JAZF1: variants seen among roughly 807,000 people sequenced by gnomAD.
The protein encoded by JAZF1 is juxtaposed with another zinc finger protein 1.
In JAZF1, 8 loss-of-function variants were observed where a neutral mutation model predicts 26.4. That is an observed-to-expected ratio of 0.30 (90% CI 0.18 to 0.55). The LOEUF (loss-of-function observed/expected upper bound fraction) is 0.55. Among genes scored for constraint, JAZF1 ranks in the 20% least tolerant of loss-of-function variants. The pLI, the probability that JAZF1 is intolerant of heterozygous loss-of-function variation, is 0.94. For synonymous variants in JAZF1, 126 were observed against 122.3 expected (o/e 1.03, Z -0.20); for missense variants, 199 against 322.0 (o/e 0.62, Z 2.92).
rs187541628 is a variant in JAZF1, at chr7:27,889,906, C to G, written c.385+5314G>C. Among the ~76,000 whole-genome samples the G allele has an allele frequency of 7.6e-3, 1,134 of 149,184 alleles. 5 individuals are homozygous for G. The highest frequency in any genetic ancestry group is 0.034 in the Middle Eastern group (10 of 292). On this transcript the variant is annotated intron_variant, in intron 3 of 4. Transcript: ENST00000283928. ...TGAGATCACACCACTGCACTCCAGC[C>G]TGAGTGATAGAGTGAGACTTTCTCT...
At chr7:27,856,484 T>G (rs1473987104) in intron 3 of JAZF1, among the ~76,000 whole-genome samples, 1 of 152,218 alleles carries the variant, frequency 6.6e-6, no homozygotes, top group Non-Finnish European at 1.5e-5. Context: ...TCAGGCAGCC[T>G]GCTTTTATTC....
intron 2 of JAZF1, among the ~76,000 whole-genome samples, chr7:27,929,260 A>AG (rs112733578): frequency 1 from 152,362 of 152,362 alleles, 76,181 homozygotes; most frequent in Non-Finnish European, 1. Context: ...GTGGGCAGGC[A>AG]GCATTGCCCC....
rs374806306 is a variant in JAZF1 at position 28,110,595 on chromosome 7, A to G, written c.115+69868T>C. On this transcript the variant is annotated intron_variant, in intron 1 of 4. Transcript: ENST00000283928. ...AGGGAAAGGGAAAAGGAAAAGGAAAAGGAAAAGGAAAAGGAAAGGAAAAGG... is the reference window on the plus strand; with the variant it reads ...AGGGAAAGGGAAAAGGAAAAGGAAAGGGAAAAGGAAAAGGAAAGGAAAAGG... 2.9e-3 allele frequency among the ~76,000 whole-genome samples: 197 copies of G among 67,990 alleles called. 10 individuals carry two copies. The highest frequency in any genetic ancestry group is 8.3e-3 in the Middle Eastern group (1 of 120). The allele number at this position is 67,990 out of a possible 152,430, so 44.6% of individuals were successfully genotyped here. A position where few individuals can be genotyped will look rare whatever the true frequency, so the allele number is the denominator to read the frequency against.
chr7:28,074,451 T>C (rs986715584), intron 1 of JAZF1, among the ~76,000 whole-genome samples: 1 of 152,124 alleles, frequency 6.6e-6, no homozygotes, highest in African/African-American at 2.4e-5. Context: ...AAACAAAACA[T>C]TGTGGAGAGC....
intron 2 of JAZF1, among the ~76,000 whole-genome samples, chr7:27,950,504 C>T (rs1428526052): frequency 1.3e-5 from 2 of 152,206 alleles, no homozygotes; most frequent in Non-Finnish European, 2.9e-5. Flanking sequence ...CACACCCACA[C>T]CCACGGGACC....
At position 28,110,739 on chromosome 7, in the gene JAZF1, T is replaced by A. The variant is rs1371170300; in HGVS notation, c.115+69724A>T. ...ATGTTAGAGTTCAGTTACCAAGGTG[T>A]GAATGGGACGGTGCTTTCTGCCTCA... On this transcript the variant is annotated intron_variant, in intron 1 of 4. Transcript: ENST00000283928. Among the ~76,000 whole-genome samples, 3 of 152,062 alleles carry A rather than the reference T, an allele frequency of 2.0e-5. No individual in the cohort carries two copies. The East Asian group carries it at 5.8e-4, about 29-fold the overall frequency.
chr7:27,835,525 C>G (rs761191695), intron 4 of JAZF1, among the ~76,000 whole-genome samples: 1 of 152,064 alleles, frequency 6.6e-6, no homozygotes, highest in Non-Finnish European at 1.5e-5. Context: ...CTGGAAAAAT[C>G]AGGAAGCACA....
chr7:27,933,996 T>C (rs528491307), intron 2 of JAZF1, among the ~76,000 whole-genome samples: 1 of 152,250 alleles, frequency 6.6e-6, no homozygotes, highest in Non-Finnish European at 1.5e-5. Context: ...ACATAAAGAA[T>C]GCACTTCCAT....
intron 1 of JAZF1, among the ~76,000 whole-genome samples, chr7:28,062,024 T>A (rs1057499280): frequency 1.3e-5 from 2 of 152,242 alleles, no homozygotes; most frequent in Admixed American, 6.5e-5. Flanking sequence ...CAGAATTTTT[T>A]ACTGAGTACT....
intron 1 of JAZF1, among the ~76,000 whole-genome samples, chr7:28,018,731 C>T (rs552133796): frequency 1.3e-5 from 2 of 152,276 alleles, no homozygotes; most frequent in Admixed American, 6.5e-5. Flanking sequence ...AGCCTGTCCT[C>T]CAGCATCGCA....
chr7:27,856,290 C>T (rs549132500), intron 3 of JAZF1, among the ~76,000 whole-genome samples: 1 of 152,210 alleles, frequency 6.6e-6, no homozygotes, highest in Non-Finnish European at 1.5e-5. Context: ...TTGTTTGTTC[C>T]TCCCGGTGGG....
chr7:28,110,583 A>AGGAAAG (rs1562591073), intron 1 of JAZF1, among the ~76,000 whole-genome samples: 3 of 94,674 alleles, frequency 3.2e-5, no homozygotes, highest in Non-Finnish European at 5.9e-5. Flanking sequence ...GAAAGGGAAA[A>AGGAAAG]GGAAAAGGAA....
intron 1 of JAZF1, among the ~76,000 whole-genome samples, chr7:28,035,340 A>AAAAAAAAAAAAAAAAAAAAAAAAG (rs1562565710): frequency 6.9e-6 from 1 of 145,318 alleles, no homozygotes. Context: ...AAAAAAAAAA[A>AAAAAAAAAAAAAAAAAAAAAAAAG]AAAGAAAGAA....
chr7:27,836,941 A>G (rs1782824228), intron 4 of JAZF1, among the ~76,000 whole-genome samples: 1 of 151,902 alleles, frequency 6.6e-6, no homozygotes, highest in Non-Finnish European at 1.5e-5. Flanking sequence ...TCTTTTCACT[A>G]TTTTTTCATA....
At chr7:28,106,411 C>G (rs1429110637) in intron 1 of JAZF1, among the ~76,000 whole-genome samples, 1 of 152,186 alleles carries the variant, frequency 6.6e-6, no homozygotes, top group African/African-American at 2.4e-5. Flanking sequence ...CCAATTACCA[C>G]ATGTCATCAT....
chr7:28,132,537 T>C (rs1782811911), intron 1 of JAZF1, among the ~76,000 whole-genome samples: 1 of 152,108 alleles, frequency 6.6e-6, no homozygotes, highest in African/African-American at 2.4e-5. Flanking sequence ...TAAAGTGAAA[T>C]TATTGCGACG....
intron 1 of JAZF1, among the ~76,000 whole-genome samples, chr7:28,006,204 T>C (rs1235362834): frequency 6.6e-6 from 1 of 151,990 alleles, no homozygotes; most frequent in African/African-American, 2.4e-5. Context: ...ACCCCATCTC[T>C]ACTAAAATAC....
intron 2 of JAZF1, among the ~76,000 whole-genome samples, chr7:27,922,070 A>C (rs1199646692): frequency 2.0e-5 from 3 of 152,214 alleles, no homozygotes; most frequent in Non-Finnish European, 4.4e-5. Context: ...AAATTTTTAC[A>C]GGGCATTTTA....
At chr7:28,175,881 C>T (rs912293338) in intron 1 of JAZF1, among the ~76,000 whole-genome samples, 3 of 152,186 alleles carry the variant, frequency 2.0e-5, no homozygotes, top group African/African-American at 7.2e-5. Context: ...GGACCTATGA[C>T]ATATTGCACA....
Sources: allele counts gnomAD v4.1 joint callset (sites outside exome capture counted in the v4.1 genomes callset), GRCh38; gene constraint gnomAD v4.1.1; transcripts MANE v1.5; gene names NCBI Gene and HGNC (gene_info 2026-07-23, HGNC 2026-07-21).